The following RANBP2 variants were observed in gnomAD, a reference collection of about 807,000 sequenced individuals.
RANBP2 encodes the protein E3 SUMO-protein ligase RanBP2.
RANBP2 carries 57 observed loss-of-function variants against 303.6 expected under a neutral mutation model. The ratio of observed to expected loss-of-function variants is 0.19; its 90% CI spans 0.15 to 0.23. RANBP2 has a LOEUF of 0.23. Ranked by LOEUF, RANBP2 falls within the 10% of genes least tolerant of loss-of-function variation. The pLI, the probability that RANBP2 is intolerant of heterozygous loss-of-function variation, is 1.00. For synonymous variants in RANBP2, 1,167 were observed against 1,301.5 expected (o/e 0.90, Z 2.23); for missense variants, 3,138 against 3,780.8 (o/e 0.83, Z 4.46).
chr2:109,508,606 A>AAAG, the RANBP2 span, among the ~76,000 whole-genome samples: 5 of 152,220 alleles, frequency 3.3e-5, no homozygotes, highest in African/African-American at 1.2e-4. Context: ...TTATTTGGAA[A>AAAG]AAGTAACGTT....
rs556610855 is a variant in RANBP2, at chr2:108,778,562, C to T, written c.8599+1331C>T. ...GTAGGCCCAGTTATGACCTGTGAGA[C>T]CCAGATATTGATATATTACAAATAC... On this transcript the variant is annotated intron_variant, in intron 25 of 28. Coordinates refer to ENST00000283195, the MANE Select transcript of RANBP2 (RefSeq NM_006267.5). 1.7e-3 allele frequency among the ~76,000 whole-genome samples: 254 copies of T among 152,254 alleles called. 1 individual carries two copies. The highest frequency in any genetic ancestry group is 2.5e-3 in the Non-Finnish European group (172 of 68,004).
the RANBP2 span, among the ~76,000 whole-genome samples, chr2:109,039,119 TA>T: frequency 6.6e-6 from 1 of 152,174 alleles, no homozygotes. Flanking sequence ...TGGAAGACTT[TA>T]AAAGCAAAGA....
At chr2:109,555,299 T>G in the RANBP2 span, among the ~76,000 whole-genome samples, 1 of 152,216 alleles carries the variant, frequency 6.6e-6, no homozygotes, top group Non-Finnish European at 1.5e-5. Context: ...TGATATCCTA[T>G]CCTCAGGTTT....
chr2:109,480,201 A>G, the RANBP2 span, among the ~76,000 whole-genome samples: 2 of 152,248 alleles, frequency 1.3e-5, no homozygotes, highest in Non-Finnish European at 2.9e-5. Context: ...CAACATCTGC[A>G]TGGCACCAAA....
chr2:109,289,348 A>G, the RANBP2 span, among the ~76,000 whole-genome samples: 1 of 152,186 alleles, frequency 6.6e-6, no homozygotes, highest in Non-Finnish European at 1.5e-5. Flanking sequence ...AAGGTCTTAG[A>G]AACAACCATT....
chr2:108,800,173 T>G, the RANBP2 span, among the ~76,000 whole-genome samples: 2 of 152,182 alleles, frequency 1.3e-5, no homozygotes, highest in Non-Finnish European at 2.9e-5. Flanking sequence ...GACCTTCTGG[T>G]TAATGCATAG....
chr2:109,212,579 G>T, the RANBP2 span, among the ~76,000 whole-genome samples: 2 of 152,204 alleles, frequency 1.3e-5, no homozygotes, highest in South Asian at 4.1e-4. Context: ...TTGAGGAGAA[G>T]TCGGCTGACC....
chr2:109,293,988 G>T, the RANBP2 span, among the ~76,000 whole-genome samples: 1 of 152,190 alleles, frequency 6.6e-6, no homozygotes, highest in Non-Finnish European at 1.5e-5. Context: ...CATCCAGGGG[G>T]CAGTGCTTGG....
chr2:109,407,081 G>A, the RANBP2 span, among the ~76,000 whole-genome samples: 1 of 152,154 alleles, frequency 6.6e-6, no homozygotes, highest in Non-Finnish European at 1.5e-5. Flanking sequence ...CACTAATACT[G>A]CCCATGAGTG....
intron 4 of RANBP2, among the ~76,000 whole-genome samples, chr2:108,732,817 G>T (rs770819025): frequency 2.6e-5 from 4 of 151,892 alleles, no homozygotes; most frequent in African/African-American, 9.7e-5. Context: ...AGTATGTGAC[G>T]TTTTTTTCTT....
At chr2:109,613,028 T>A in the RANBP2 span, 1 of 522,924 alleles carries the variant, frequency 1.9e-6, no homozygotes, top group Non-Finnish European at 3.5e-6. Context: ...CACCAATGTT[T>A]ACTATCAAAA....
chr2:109,314,829 T>C, the RANBP2 span, among the ~76,000 whole-genome samples: 10 of 152,236 alleles, frequency 6.6e-5, no homozygotes, highest in African/African-American at 2.4e-4. Flanking sequence ...GTCTAGTGAA[T>C]AGGAGAATCA....
At chr2:109,487,285 G>A in the RANBP2 span, among the ~76,000 whole-genome samples, 10 of 152,246 alleles carry the variant, frequency 6.6e-5, no homozygotes, top group South Asian at 2.1e-4. Context: ...GCCTCTCCCC[G>A]AGTACATGCC....
At chr2:109,333,984 A>C in the RANBP2 span, among the ~76,000 whole-genome samples, 1 of 152,302 alleles carries the variant, frequency 6.6e-6, no homozygotes, top group African/African-American at 2.4e-5. Flanking sequence ...AATGTGTTAA[A>C]TTTTTAAGGA....
intron 1 of RANBP2, chr2:108,720,013 G>A (rs529136889): frequency 1.5e-5 from 15 of 985,172 alleles, no homozygotes; most frequent in Non-Finnish European, 1.8e-5. Flanking sequence ...CCTAGTTCTC[G>A]GGGGCTTGGG....
the RANBP2 span, among the ~76,000 whole-genome samples, chr2:109,251,032 C>T: frequency 2.6e-5 from 4 of 151,418 alleles, no homozygotes; most frequent in Non-Finnish European, 4.4e-5. Flanking sequence ...GATTGAGTCT[C>T]ACTCTGTCGC....
the RANBP2 span, among the ~76,000 whole-genome samples, chr2:109,210,677 G>A: frequency 2.0e-5 from 3 of 152,188 alleles, no homozygotes; most frequent in Non-Finnish European, 4.4e-5. Context: ...CTTACTCCAG[G>A]TGGGAGGCCC....
At chr2:108,864,330 G>T in the RANBP2 span, among the ~76,000 whole-genome samples, 9 of 152,162 alleles carry the variant, frequency 5.9e-5, no homozygotes, top group African/African-American at 2.2e-4. Context: ...TTAACTTAAG[G>T]AATTATTTTT....
At chr2:109,175,792 G>A in the RANBP2 span, among the ~76,000 whole-genome samples, 1 of 152,154 alleles carries the variant, frequency 6.6e-6, no homozygotes, top group Non-Finnish European at 1.5e-5. Flanking sequence ...CTAGAGTAAG[G>A]AGTAATTCAT....
Sources: allele counts gnomAD v4.1 joint callset (sites outside exome capture counted in the v4.1 genomes callset), GRCh38; gene constraint gnomAD v4.1.1; transcripts MANE v1.5; gene names NCBI Gene and HGNC (gene_info 2026-07-23, HGNC 2026-07-21).